Variants in RC3H1 observed in about 807,000 individuals in gnomAD.
The protein encoded by RC3H1 is ring finger and CCCH-type domains 1.
In RC3H1, 50 loss-of-function variants were observed where a neutral mutation model predicts 138.2. That is an observed-to-expected ratio of 0.36 (90% CI 0.29 to 0.46). RC3H1 has a LOEUF of 0.46. Ranked by LOEUF, RC3H1 falls within the 20% of genes least tolerant of loss-of-function variation. The pLI, the probability that RC3H1 is intolerant of heterozygous loss-of-function variation, is 1.00. For missense variants in RC3H1, 1,031 were observed against 1,388.1 expected (o/e 0.74, Z 4.09); for synonymous variants, 462 against 489.1 (o/e 0.94, Z 0.73).
At position 173,962,025 on chromosome 1, in the gene RC3H1, A is replaced by G; in HGVS notation, c.1902T>C (p.Pro634=). 1.2e-6 allele frequency: 2 copies of G among 1,614,098 alleles called. No individual in the cohort carries two copies. Among genetic ancestry groups the G allele is most frequent in the Admixed American group, 3.3e-5 (2 of 59,998 alleles). The change falls in exon 12 of 20, where the codon CCT becomes CCC. Residue 634 remains proline, a synonymous_variant. Coordinates refer to ENST00000367696, the MANE Select transcript of RC3H1 (RefSeq NM_172071.4). The part of the protein sequence containing the change: ...FVRPPPSAPE[P]APPYLDHYPP... Reference sequence around the variant, plus strand: ...GATAATGATCCAAGTAGGGAGGAGCAGGTTCAGGAGCAGATGGTGGAGGTC... The same window carrying G: ...GATAATGATCCAAGTAGGGAGGAGCGGGTTCAGGAGCAGATGGTGGAGGTC...
intron 13 of RC3H1, among the ~76,000 whole-genome samples, chr1:173,957,236 T>A (rs970634861): frequency 2.6e-4 from 40 of 152,182 alleles, no homozygotes; most frequent in African/African-American, 8.7e-4. Flanking sequence ...TATGAATTAT[T>A]TACTGAATGC....
chr1:173,955,879 G>T (rs1659621970), intron 13 of RC3H1, among the ~76,000 whole-genome samples: 1 of 151,902 alleles, frequency 6.6e-6, no homozygotes, highest in African/African-American at 2.4e-5. Context: ...GCCTATAATC[G>T]CAACACTTTG....
In RC3H1 at chr1:173,964,007, T is replaced by G; in HGVS notation, c.1797A>C (p.Ala599=). ...TDVYYQDPRG[A]APPFEPAPYQ... is the part of the protein sequence containing the mutation. ...AAGGTGCTGGTTCAAATGGCGGAGC[T>G]GCTCCTCGAGGATCCTGATAATAAA... is the stretch of plus-strand genomic sequence containing the variant. The change falls in exon 11 of 20, where the codon GCA becomes GCC. Residue 599 remains alanine (A), a synonymous_variant. Transcript: ENST00000367696. The G allele has an allele frequency of 3.1e-6, 5 of 1,614,158 alleles. No homozygotes were observed. Among genetic ancestry groups the G allele is most frequent in the Non-Finnish European group, 4.2e-6 (5 of 1,180,034 alleles).
rs541872083 is a variant in RC3H1, at chr1:173,975,026, G to A, written c.1103-2399C>T. 2.1e-4 allele frequency among the ~76,000 whole-genome samples: 32 copies of A among 152,286 alleles called. No individual in the cohort carries two copies. The South Asian group carries it at 6.4e-3, about 31-fold the overall frequency. ...AGAGTTGCCACAAACAGGATGGCAG[G>A]GGAGAGCTCATTTTTAGATAGATTC... On this transcript the variant is annotated intron_variant, in intron 7 of 19. Transcript: ENST00000367696.
Position 174,000,484 on chromosome 1 carries a change from C to T in RC3H1, c.-150-7349G>A, listed in dbSNP as rs116687950. On this transcript the variant is annotated intron_variant, in intron 1 of 19. Coordinates refer to ENST00000367696, the MANE Select transcript of RC3H1 (RefSeq NM_172071.4). ...GGTTTGGCGGCATTAAGTAACGGCC[C>T]CAAATCAATAAACTGTTGAGCTGGG... Among the ~76,000 whole-genome samples the T allele has an allele frequency of 3.6e-3, 543 of 152,226 alleles. 2 individuals carry two copies. The highest frequency in any genetic ancestry group is 0.012 in the African/African-American group (505 of 41,524).
intron 1 of RC3H1, 88 bp from the exon 2 acceptor site, chr1:173,993,223 C>T (rs1661370139): frequency 1.0e-5 from 5 of 495,438 alleles, no homozygotes; most frequent in Non-Finnish European, 1.8e-5. Flanking sequence ...TCTTATTCCA[C>T]AACTTTTTAT....
intron 17 of RC3H1, among the ~76,000 whole-genome samples, chr1:173,944,823 A>T (rs1045421279): frequency 1.3e-5 from 2 of 152,330 alleles, no homozygotes; most frequent in African/African-American, 4.8e-5. Context: ...TAGGGGCACA[A>T]GCCAGCTATA....
In RC3H1 at chr1:173,982,775, A is replaced by G; in HGVS notation, c.720T>C (p.Thr240=). 6.2e-7 allele frequency: 1 copy of G among 1,613,620 alleles called. No individual in the cohort carries two copies. Among genetic ancestry groups the G allele is most frequent in the African/African-American group, 1.3e-5 (1 of 75,016 alleles). Residue 240 remains threonine (T), a synonymous_variant, in exon 5 of 20, where the codon ACT becomes ACC. Coordinates refer to ENST00000367696, the MANE Select transcript of RC3H1 (RefSeq NM_172071.4). ...LEPRFPQASK[T]SIGHVVQLLY... ...GGAGCTGAACAACATGCCCAATGCT[A>G]GTTTTAGAGGCTTGAGGAAACCGTG...
At chr1:174,011,358 G>T (rs1314736600) in intron 1 of RC3H1, among the ~76,000 whole-genome samples, 1 of 151,994 alleles carries the variant, frequency 6.6e-6, no homozygotes, top group Non-Finnish European at 1.5e-5. Context: ...AAGCAAAGAA[G>T]ATTGACAGTT....
At chr1:173,971,932 G>A (rs1660376288) in intron 8 of RC3H1, among the ~76,000 whole-genome samples, 1 of 151,956 alleles carries the variant, frequency 6.6e-6, no homozygotes, top group African/African-American at 2.4e-5. Flanking sequence ...AATCCTGAGA[G>A]CAAAATAAAA....
chr1:173,937,286 A>G lies in RC3H1; in HGVS notation c.*1435T>C, dbSNP rs1658643612. 1 of 152,466 alleles carries G rather than the reference A, an allele frequency of 6.6e-6. No homozygotes were observed. The highest frequency in any genetic ancestry group is 2.4e-5 in the African/African-American group (1 of 41,398). 9.4% of individuals were successfully genotyped at this position (152,466 alleles called of 1,614,324 possible). A position where few individuals can be genotyped will look rare whatever the true frequency, so the allele number is the denominator to read the frequency against. On this transcript the variant is annotated 3_prime_UTR_variant, in exon 20 of 20. Transcript: ENST00000367696. ...GGAGTTAAGGGTTAAGAAAATAAGA[A>G]ACAAGAAAAATATAAACTCTTGTTT...
chr1:173,991,033 C>T (rs991294291), intron 2 of RC3H1, among the ~76,000 whole-genome samples: 1 of 152,102 alleles, frequency 6.6e-6, no homozygotes, highest in Admixed American at 6.5e-5. Flanking sequence ...AGCTTGAGAC[C>T]AGCATAGCCA....
chr1:173,993,445 T>C (rs1201723537), intron 1 of RC3H1, among the ~76,000 whole-genome samples: 5 of 151,652 alleles, frequency 3.3e-5, no homozygotes, highest in Non-Finnish European at 5.9e-5. Flanking sequence ...ATTTCGCTCC[T>C]GTTGCCCAGG....
At chr1:173,946,948 C>A (rs1363073324) in intron 15 of RC3H1, 112 bp from the exon 16 acceptor site, 7 of 708,922 alleles carry the variant, frequency 9.9e-6, no homozygotes, top group Non-Finnish European at 9.6e-6. Flanking sequence ...TGGTATCTAC[C>A]CTAAATGTCC....
intron 2 of RC3H1, among the ~76,000 whole-genome samples, chr1:173,990,129 G>A (rs1289771653): frequency 1.3e-5 from 2 of 151,420 alleles, no homozygotes; most frequent in Non-Finnish European, 2.9e-5. Context: ...CCAGGTTGGA[G>A]TGCAGTGGTG....
intron 1 of RC3H1, among the ~76,000 whole-genome samples, chr1:174,008,276 G>A (rs1482216285): frequency 6.6e-6 from 1 of 152,098 alleles, no homozygotes; most frequent in African/African-American, 2.4e-5. Context: ...AATCTCTTAG[G>A]TCTTAAGGAC....
At chr1:173,979,429 C>T (rs912064316) in intron 6 of RC3H1, among the ~76,000 whole-genome samples, 4 of 152,136 alleles carry the variant, frequency 2.6e-5, no homozygotes, top group Non-Finnish European at 5.9e-5. Flanking sequence ...GGGCAGATGA[C>T]GATGTCAGGA....
chr1:173,959,641 C>T (rs1659783135), intron 13 of RC3H1, among the ~76,000 whole-genome samples: 2 of 151,952 alleles, frequency 1.3e-5, no homozygotes, highest in Admixed American at 6.6e-5. Context: ...CATGGTGGCT[C>T]ATGCCTGTAG....
Position 173,970,554 on chromosome 1 carries a change from G to T in RC3H1, c.1285C>A (p.Pro429Thr). 6.2e-7 allele frequency: 1 copy of T among 1,613,802 alleles called. No individual in the cohort carries two copies. Among genetic ancestry groups the T allele is most frequent in the South Asian group, 1.1e-5 (1 of 91,044 alleles). Residue 429 changes from proline (P) to threonine (T), a missense_variant, in exon 9 of 20, where the codon CCT (proline) becomes ACT (threonine). By Grantham distance (38) the Pro-to-Thr change is conservative (BLOSUM62 -1). Around this residue, in one of 7 missense-constraint regions of RC3H1, gnomAD observed 142 missense variants for 224.6 expected, o/e 0.63. Coordinates refer to ENST00000367696, the MANE Select transcript of RC3H1 (RefSeq NM_172071.4). ...CRDMKQRGGC[P>T]RGASCTFAHS... The stretch of plus-strand genomic sequence containing the variant: ...GCAAATGTACAGCTGGCCCCACGAG[G>T]GCATCCTCCTCTCTGCTTCATATCT...
Sources: gnomAD v4.1 joint callset for allele counts (sites outside exome capture counted in the v4.1 genomes callset) on GRCh38, gnomAD v4.1.1 for gene constraint, gnomAD v4.1.1 regional missense constraint, MANE v1.5 for transcripts, NCBI Gene and HGNC (gene_info 2026-07-23, HGNC 2026-07-21) for gene names.